Variants in SGCD observed in about 807,000 individuals in gnomAD.
The protein encoded by SGCD is delta-sarcoglycan.
SGCD carries 18 observed loss-of-function variants against 36.6 expected under a neutral mutation model. That is an observed-to-expected ratio of 0.49 (90% CI 0.34 to 0.73). SGCD has a LOEUF of 0.73. SGCD is among the 30% of genes least tolerant of loss of function. SGCD has a pLI of 0.01. For missense variants in SGCD, 387 were observed against 346.7 expected (o/e 1.12, Z -0.92); for synonymous variants, 133 against 130.6 (o/e 1.02, Z -0.12).
intron 1 of SGCD, among the ~76,000 whole-genome samples, chr5:156,071,106 AG>A (rs1760545380): frequency 6.6e-6 from 1 of 152,040 alleles, no homozygotes. Flanking sequence ...AATATTTTGA[AG>A]GGTTTTTTGT....
intron 3 of SGCD, among the ~76,000 whole-genome samples, chr5:156,478,100 C>T (rs770886818): frequency 1.4e-4 from 22 of 152,122 alleles, no homozygotes; most frequent in Middle Eastern, 3.4e-3. Context: ...TAGCATTTCT[C>T]GCCCTTACCT....
intron 3 of SGCD, among the ~76,000 whole-genome samples, chr5:156,346,478 T>C (rs903690508): frequency 1.6e-4 from 25 of 152,090 alleles, no homozygotes; most frequent in Non-Finnish European, 3.5e-4. Context: ...TTTAAATTGT[T>C]TGTAGAGATG....
In SGCD at chr5:156,423,363, ATAT is replaced by A. The variant is rs1352225910; in HGVS notation, c.192+78690_192+78692del. ...TAATATATTATAATTTTATTATAAT[ATAT>A]TATATTTTATTATAATATAATATAT... is the stretch of plus-strand genomic sequence containing the variant. On this transcript the variant is annotated intron_variant, in intron 3 of 8. Coordinates refer to ENST00000337851, the MANE Select transcript of SGCD (RefSeq NM_000337.6). Among the ~76,000 whole-genome samples the A allele has an allele frequency of 6.9e-4, 37 of 53,996 alleles. No individual in the cohort carries two copies. The Admixed American group carries it at 6.9e-3, about 10-fold the overall frequency. 35.4% of individuals were successfully genotyped at this position (53,996 alleles called of 152,430 possible).
chr5:155,969,473 TTGGATCATCTC>T (rs146618637), intron 1 of SGCD, among the ~76,000 whole-genome samples: 33,742 of 151,992 alleles, frequency 0.22, 4,594 homozygotes, highest in South Asian at 0.37. Flanking sequence ...CAATCAAGTT[TTGGATCATCTC>T]CCACAAAAGT....
chr5:156,099,316 T>C (rs988451413), intron 1 of SGCD, among the ~76,000 whole-genome samples: 3 of 152,224 alleles, frequency 2.0e-5, no homozygotes, highest in African/African-American at 7.2e-5. Flanking sequence ...TGACTGCTTA[T>C]TTGTTTATGT....
chr5:156,467,170 T>A (rs1213880183), intron 3 of SGCD, among the ~76,000 whole-genome samples: 6 of 152,230 alleles, frequency 3.9e-5, no homozygotes, highest in African/African-American at 1.4e-4. Context: ...AGTAGCAGGC[T>A]GGATTTGATT....
At chr5:156,640,049 C>G (rs751523366) in intron 6 of SGCD, among the ~76,000 whole-genome samples, 1 of 152,142 alleles carries the variant, frequency 6.6e-6, no homozygotes, top group South Asian at 2.1e-4. Flanking sequence ...TTCGCAGGTC[C>G]TCTGATGCTA....
chr5:155,942,801 T>G (rs1757357342), intron 1 of SGCD, among the ~76,000 whole-genome samples: 1 of 152,174 alleles, frequency 6.6e-6, no homozygotes, highest in Non-Finnish European at 1.5e-5. Flanking sequence ...TGAAGATACT[T>G]AAGGCAATAA....
At chr5:156,046,645 C>T (rs190653190) in intron 1 of SGCD, among the ~76,000 whole-genome samples, 28 of 152,222 alleles carry the variant, frequency 1.8e-4, no homozygotes, top group South Asian at 2.1e-4. Context: ...CAATATAAGA[C>T]GGTGAACTTA....
chr5:156,394,014 A>G (rs1771722099), intron 3 of SGCD: 1 of 352,908 alleles, frequency 2.8e-6, no homozygotes. Context: ...ATCAATTGTG[A>G]TTTAATGGTG....
chr5:156,133,914 A>AACAC (rs70981997), intron 3 of SGCD, among the ~76,000 whole-genome samples: 3,317 of 140,356 alleles, frequency 0.024, 62 homozygotes, highest in African/African-American at 0.047. Context: ...GCCGGGTTAA[A>AACAC]ACACACACAC....
intron 4 of SGCD, among the ~76,000 whole-genome samples, chr5:156,582,017 G>T (rs1166340561): frequency 5.9e-5 from 9 of 152,212 alleles, no homozygotes; most frequent in African/African-American, 2.2e-4. Context: ...CATGCTGGGA[G>T]ATGCAGACCA....
At chr5:155,833,569 AT>A in the SGCD span, among the ~76,000 whole-genome samples, 3 of 152,170 alleles carry the variant, frequency 2.0e-5, no homozygotes, top group African/African-American at 7.2e-5. Flanking sequence ...TGGAATTATG[AT>A]TTATGTTCAG....
the SGCD span, among the ~76,000 whole-genome samples, chr5:155,840,928 T>G: frequency 7.0e-6 from 1 of 143,824 alleles, no homozygotes. Context: ...GGAGAATTGC[T>G]TAAACCTGGG....
intron 4 of SGCD, among the ~76,000 whole-genome samples, chr5:156,579,012 G>A (rs535665574): frequency 3.5e-4 from 54 of 152,166 alleles, no homozygotes; most frequent in African/African-American, 1.0e-3. Context: ...TTAGGGTGTC[G>A]ATTTTAGATC....
At chr5:156,589,349 GCCCAT>G in intron 5 of SGCD, 31 bp downstream of exon 5, 1 of 1,259,566 alleles carries the variant, frequency 7.9e-7, no homozygotes. Flanking sequence ...ACAGTGCCTA[GCCCAT>G]GCGAGGCACT....
At chr5:156,490,870 A>G (rs970707834) in intron 3 of SGCD, among the ~76,000 whole-genome samples, 1 of 152,226 alleles carries the variant, frequency 6.6e-6, no homozygotes, top group Admixed American at 6.5e-5. Context: ...TTCAGTCAGG[A>G]GGAAAAAATT....
At chr5:155,895,687 CAA>C (rs11361236) in intron 1 of SGCD, among the ~76,000 whole-genome samples, 1,685 of 139,440 alleles carry the variant, frequency 0.012, 26 homozygotes, top group African/African-American at 0.031. Flanking sequence ...GTAATGGCAC[CAA>C]AAAAAAAAAA....
intron 6 of SGCD, among the ~76,000 whole-genome samples, chr5:156,611,238 C>T (rs960460778): frequency 6.6e-6 from 1 of 152,216 alleles, no homozygotes; most frequent in Non-Finnish European, 1.5e-5. Context: ...TCCTGTGTTT[C>T]ATGATAGTTG....
Sources: gnomAD v4.1 joint callset for allele counts (sites outside exome capture counted in the v4.1 genomes callset) on GRCh38, gnomAD v4.1.1 for gene constraint, MANE v1.5 for transcripts, NCBI Gene and HGNC (gene_info 2026-07-23, HGNC 2026-07-21) for gene names.